Variants in ARHGEF9 observed in about 807,000 individuals in gnomAD.
ARHGEF9 encodes rho guanine nucleotide exchange factor 9.
A neutral mutation model predicts 41.3 loss-of-function variants in ARHGEF9; 2 were observed. The ratio of observed to expected loss-of-function variants is 0.05; its 90% CI spans 0.02 to 0.15. The LOEUF (loss-of-function observed/expected upper bound fraction) is 0.15. Among genes scored for constraint, ARHGEF9 ranks in the 10% least tolerant of loss-of-function variants. The pLI is 1.00. For synonymous variants in ARHGEF9, 160 were observed against 154.4 expected (o/e 1.04, Z -0.27); for missense variants, 225 against 424.7 (o/e 0.53, Z 4.13).
At chrX:63,713,265 C>A (rs1448343662) in intron 2 of ARHGEF9, among the ~76,000 whole-genome samples, 1 of 111,005 alleles carries the variant, frequency 9.0e-6, no homozygotes, top group African/African-American at 3.3e-5. Context: ...ACTCTCAGAG[C>A]TATAGAATCA....
intron 2 of ARHGEF9, among the ~76,000 whole-genome samples, chrX:63,722,225 C>A (rs1465150670): frequency 9.0e-6 from 1 of 111,494 alleles, no homozygotes; most frequent in Admixed American, 9.5e-5. Context: ...CTAACTTGAA[C>A]AGAACCACAC....
At chrX:63,655,394 C>T in intron 8 of ARHGEF9, 100 bp downstream of exon 8, 1 of 1,150,466 alleles carries the variant, frequency 8.7e-7, no homozygotes, top group South Asian at 1.8e-5. Flanking sequence ...AGTCAGTTTG[C>T]AACAGAAATC....
intron 1 of ARHGEF9, chrX:63,754,188 C>A: frequency 1.1e-6 from 1 of 875,698 alleles, no homozygotes; most frequent in Non-Finnish European, 1.7e-6. Context: ...CACGCATGCA[C>A]ACTTAAATAG....
chrX:63,636,785 T>C lies in ARHGEF9; in HGVS notation c.*1243A>G. ...GGCTATCTCTTTCCATTCCCATCCC[T>C]GTTCTTTCTTGTAAAAGGTTACTAT... On this transcript the variant is annotated 3_prime_UTR_variant, in exon 10 of 10. Transcript: ENST00000671741. 3.4e-6 allele frequency: 1 copy of C among 296,870 alleles called. No individual in the cohort carries two copies. The highest frequency in any genetic ancestry group is 5.9e-6 in the Non-Finnish European group (1 of 169,878). The allele number at this position is 296,870 out of a possible 1,213,427, so 24.5% of individuals were successfully genotyped here. A position where few individuals can be genotyped will look rare whatever the true frequency, so the allele number is the denominator to read the frequency against.
At chrX:63,661,904 T>C (rs1556342146) in intron 7 of ARHGEF9, among the ~76,000 whole-genome samples, 1 of 112,236 alleles carries the variant, frequency 8.9e-6, no homozygotes, top group Non-Finnish European at 1.9e-5. Flanking sequence ...TAAGGGAATC[T>C]TAACAGTTGG....
At chrX:63,711,885 T>C (rs2052954967) in intron 2 of ARHGEF9, among the ~76,000 whole-genome samples, 1 of 112,670 alleles carries the variant, frequency 8.9e-6, no homozygotes, top group Non-Finnish European at 1.9e-5. Flanking sequence ...GCATATCATA[T>C]ATCTGATAAA....
At chrX:63,774,043 T>C (rs1247414166) in intron 1 of ARHGEF9, among the ~76,000 whole-genome samples, 1 of 87,497 alleles carries the variant, frequency 1.1e-5, no homozygotes. Flanking sequence ...AAATCCATTA[T>C]AATATCTATC....
chrX:63,635,266 G>T lies in ARHGEF9; in HGVS notation c.*2762C>A. 2.1e-6 allele frequency: 1 copy of T among 468,494 alleles called. No individual in the cohort carries two copies. Among genetic ancestry groups the T allele is most frequent in the Admixed American group, 3.1e-5 (1 of 32,101 alleles). The allele number at this position is 468,494 out of a possible 1,213,427, so 38.6% of individuals were successfully genotyped here. ...TGTTGCTGTTCTTATAGATCCATTA[G>T]AAATATACACATAGAGAGGGGGGGA... On this transcript the variant is annotated 3_prime_UTR_variant, in exon 10 of 10. Transcript: ENST00000671741.
intron 6 of ARHGEF9, among the ~76,000 whole-genome samples, chrX:63,667,382 A>C (rs2049648394): frequency 9.0e-6 from 1 of 111,119 alleles, no homozygotes. Context: ...TTAGGCCAAA[A>C]AGGCATTGGA....
chrX:63,711,810 A>G (rs2052949292), intron 2 of ARHGEF9, among the ~76,000 whole-genome samples: 1 of 112,472 alleles, frequency 8.9e-6, no homozygotes, highest in Non-Finnish European at 1.9e-5. Context: ...AAAATTAAAA[A>G]CTTTGTGCTA....
chrX:63,749,885 C>T (rs1200527335), intron 1 of ARHGEF9, among the ~76,000 whole-genome samples: 1 of 112,291 alleles, frequency 8.9e-6, no homozygotes, highest in Non-Finnish European at 1.9e-5. Context: ...AAACTAAATA[C>T]TCTATGGAGC....
rs2052543103 is a variant in ARHGEF9 at position 63,706,352 on chromosome X, G to T, written c.308C>A (p.Pro103Gln). The stretch of plus-strand genomic sequence containing the variant: ...CCGCATCTGGTCCCGGTTCTGTAGT[G>T]GCCGCCCCAGACAGAGGCAGTCTGA... ...PNSDCLCLGR[P>Q]LQNRDQMRAN... is the part of the protein sequence containing the mutation. Residue 103 changes from proline (P) to glutamine (Q), a missense_variant, in exon 3 of 10, where the codon CCA (proline) becomes CAA (glutamine). By Grantham distance (76) the Pro-to-Gln change is moderately conservative (BLOSUM62 -1). This residue lies in a region of ARHGEF9 where 114 missense variants were observed against 197.9 expected (regional missense o/e 0.58). Coordinates refer to ENST00000671741, the MANE Select transcript of ARHGEF9 (RefSeq NM_001353921.2). The T allele has an allele frequency of 1.7e-6, 2 of 1,206,425 alleles. No individual in the cohort carries two copies. Among genetic ancestry groups the T allele is most frequent in the African/African-American group, 3.5e-5 (2 of 57,614 alleles).
At chrX:63,661,620 G>A (rs1292415524) in intron 7 of ARHGEF9, among the ~76,000 whole-genome samples, 1 of 112,006 alleles carries the variant, frequency 8.9e-6, no homozygotes, top group Admixed American at 9.5e-5. Context: ...TTTTTTGGAA[G>A]AAAAGTTAAA....
At chrX:63,760,379 C>T (rs2056013175) in intron 1 of ARHGEF9, among the ~76,000 whole-genome samples, 1 of 111,297 alleles carries the variant, frequency 9.0e-6, no homozygotes, top group African/African-American at 3.3e-5. Flanking sequence ...AGGCTGCCCC[C>T]TAAGGACAAA....
At chrX:63,744,659 C>T (rs782588861) in intron 1 of ARHGEF9, among the ~76,000 whole-genome samples, 2 of 111,481 alleles carry the variant, frequency 1.8e-5, no homozygotes, top group Admixed American at 9.5e-5. Context: ...TCAAGTGAGA[C>T]GATGTACAAA....
intron 8 of ARHGEF9, among the ~76,000 whole-genome samples, chrX:63,653,207 G>T (rs189305226): frequency 9.0e-6 from 1 of 111,460 alleles, no homozygotes; most frequent in Non-Finnish European, 1.9e-5. Context: ...TAGAGCCTAG[G>T]TCTCACACAG....
chrX:63,682,343 T>C (rs2050694184), intron 4 of ARHGEF9, among the ~76,000 whole-genome samples: 1 of 108,744 alleles, frequency 9.2e-6, no homozygotes, highest in South Asian at 3.9e-4. Flanking sequence ...TGAAACCCCG[T>C]CTCTAATAAA....
chrX:63,737,465 G>C (rs2054684307), intron 1 of ARHGEF9, among the ~76,000 whole-genome samples: 1 of 112,303 alleles, frequency 8.9e-6, no homozygotes, highest in African/African-American at 3.2e-5. Context: ...AAACAAGGAA[G>C]TCAGGAGAGG....
At chrX:63,647,576 G>T (rs1366809169) in intron 8 of ARHGEF9, among the ~76,000 whole-genome samples, 1 of 111,608 alleles carries the variant, frequency 9.0e-6, no homozygotes, top group Non-Finnish European at 1.9e-5. Context: ...ACCCAGGGAT[G>T]AAGCCCACTT....
Sources: gnomAD v4.1 joint callset for allele counts (sites outside exome capture counted in the v4.1 genomes callset) on GRCh38, gnomAD v4.1.1 for gene constraint, gnomAD v4.1.1 regional missense constraint, MANE v1.5 for transcripts, NCBI Gene and HGNC (gene_info 2026-07-23, HGNC 2026-07-21) for gene names.